Variants in BCL2L11 observed in about 807,000 individuals in gnomAD.
The protein encoded by BCL2L11 is bcl-2-like protein 11.
BCL2L11 carries 15 observed loss-of-function variants against 20.6 expected under a neutral mutation model. The observed-to-expected ratio is 0.73, with a 90% confidence interval of 0.49 to 1.12. The LOEUF is 1.12. Ranked by LOEUF, BCL2L11 falls within the 50% of genes most tolerant of loss-of-function variation. The probability of loss-of-function intolerance (pLI) is 0.00; values close to 1 mark genes in which losing one functional copy is unlikely to be tolerated. For synonymous variants in BCL2L11, 108 were observed against 92.8 expected, an observed-to-expected ratio of 1.16 and a Z score of -0.94; for missense variants, 292 against 260.9, an observed-to-expected ratio of 1.12 and a Z score of -0.82.
chr2:111,147,348 A>ACT (rs1444346056), intron 2 of BCL2L11, among the ~76,000 whole-genome samples: 3 of 81,684 alleles, frequency 3.7e-5, no homozygotes, highest in South Asian at 1.1e-3. Flanking sequence ...TCTCTCTCTC[A>ACT]CACACACACA....
chr2:111,161,396 T>A, intron 3 of BCL2L11: 1 of 1,550,368 alleles, frequency 6.5e-7, no homozygotes, highest in Non-Finnish European at 8.7e-7. Flanking sequence ...GTGGCAGAAC[T>A]TAAATGCACT....
chr2:111,140,253 T>C (rs2075591554), intron 2 of BCL2L11, among the ~76,000 whole-genome samples: 1 of 151,924 alleles, frequency 6.6e-6, no homozygotes, highest in South Asian at 2.1e-4. Context: ...GTTTTGAAGC[T>C]AAAATTTAAA....
chr2:111,159,023 G>C (rs2078239898), intron 3 of BCL2L11, among the ~76,000 whole-genome samples: 1 of 152,204 alleles, frequency 6.6e-6, no homozygotes, highest in South Asian at 2.1e-4. Flanking sequence ...GCTGTATTCT[G>C]AGCTGCATTG....
intron 3 of BCL2L11, among the ~76,000 whole-genome samples, chr2:111,151,517 GTT>G (rs1559073811): frequency 6.6e-6 from 1 of 151,260 alleles, no homozygotes; most frequent in Non-Finnish European, 1.5e-5. Context: ...TTTTTAATCT[GTT>G]TTCTAGGGGA....
intron 3 of BCL2L11, 62 bp from the exon 4 acceptor site, chr2:111,164,071 T>TCC: frequency 3.6e-5 from 24 of 664,710 alleles, no homozygotes; most frequent in East Asian, 6.5e-5. Flanking sequence ...AAATATGGGC[T>TCC]CCCACCCCTC....
At chr2:111,158,026 G>T (rs1382864387) in intron 3 of BCL2L11, among the ~76,000 whole-genome samples, 1 of 152,160 alleles carries the variant, frequency 6.6e-6, no homozygotes, top group African/African-American at 2.4e-5. Flanking sequence ...AGTGGATTTG[G>T]TGTTGGGCAG....
intron 2 of BCL2L11, chr2:111,128,756 T>G: frequency 6.5e-7 from 1 of 1,544,598 alleles, no homozygotes; most frequent in South Asian, 1.2e-5. Flanking sequence ...TCATGATACC[T>G]TTTTATAGCC....
intron 3 of BCL2L11, among the ~76,000 whole-genome samples, chr2:111,150,965 C>T (rs935498601): frequency 1.3e-5 from 2 of 152,068 alleles, no homozygotes; most frequent in East Asian, 1.9e-4. Context: ...AGTGCAGTGG[C>T]GCAATCCCAG....
At chr2:111,162,814 C>CT (rs2078722092) in intron 3 of BCL2L11, 1 of 152,232 alleles carries the variant, frequency 6.6e-6, no homozygotes, top group Non-Finnish European at 1.5e-5. Flanking sequence ...GAATAAGTCT[C>CT]TTTCAACCTA....
chr2:111,158,553 G>A (rs2078165046), intron 3 of BCL2L11, among the ~76,000 whole-genome samples: 1 of 150,618 alleles, frequency 6.6e-6, no homozygotes, highest in Non-Finnish European at 1.5e-5. Flanking sequence ...ATAATTTATA[G>A]TATATATATA....
chr2:111,122,424 G>C (rs548183464), intron 1 of BCL2L11, among the ~76,000 whole-genome samples: 1 of 152,332 alleles, frequency 6.6e-6, no homozygotes, highest in East Asian at 1.9e-4. Context: ...CAGCCGCCAC[G>C]ACCACGGCCA....
rs1215307059 is a variant in BCL2L11, at chr2:111,168,045, A to T, written c.*3814A>T. 1 of 152,682 alleles carries T rather than the reference A, an allele frequency of 6.5e-6. No individual in the cohort carries two copies. The highest frequency in any genetic ancestry group is 1.5e-5 in the Non-Finnish European group (1 of 68,056). The allele number at this position is 152,682 out of a possible 1,614,324, so 9.5% of individuals were successfully genotyped here. A position where few individuals can be genotyped will look rare whatever the true frequency, so the allele number is the denominator to read the frequency against. On this transcript the variant is annotated 3_prime_UTR_variant, in exon 4 of 4. Transcript: ENST00000393256. ...GGAAACGTGTCTACAGATGACGCTA[A>T]ATCAGTTGGGGTCTACTCTAAACAG...
chr2:111,166,947 C>T lies in BCL2L11; in HGVS notation c.*2716C>T, dbSNP rs1200898740. On this transcript the variant is annotated 3_prime_UTR_variant, in exon 4 of 4. Transcript: ENST00000393256. ...CTGTGTGCAATTGTGTTTCCTTTACCTTGTAAAATTTTGTACAGCATAAAT... is the reference window on the plus strand; with the variant it reads ...CTGTGTGCAATTGTGTTTCCTTTACTTTGTAAAATTTTGTACAGCATAAAT... 2 of 152,462 alleles carry T rather than the reference C, an allele frequency of 1.3e-5. No homozygotes were observed. The highest frequency in any genetic ancestry group is 4.8e-5 in the African/African-American group (2 of 41,386). 9.4% of individuals were successfully genotyped at this position (152,462 alleles called of 1,614,324 possible).
chr2:111,150,304 T>C (rs1482287840), intron 3 of BCL2L11, 157 bp downstream of exon 3: 1 of 1,426,018 alleles, frequency 7.0e-7, no homozygotes, highest in Admixed American at 2.1e-5. Flanking sequence ...TTTCCCATTT[T>C]TCATTTGTTT....
At chr2:111,157,826 T>A (rs897228074) in intron 3 of BCL2L11, among the ~76,000 whole-genome samples, 1 of 152,236 alleles carries the variant, frequency 6.6e-6, no homozygotes, top group Admixed American at 6.5e-5. Context: ...GACCACATTG[T>A]CACCATAGCA....
chr2:111,140,096 C>T (rs1018754562), intron 2 of BCL2L11, among the ~76,000 whole-genome samples: 1 of 152,110 alleles, frequency 6.6e-6, no homozygotes, highest in Non-Finnish European at 1.5e-5. Flanking sequence ...GTGAGGAAAC[C>T]GAACTTGGGG....
chr2:111,149,967 T>A, intron 2 of BCL2L11, 77 bp from the exon 3 acceptor site: 2 of 1,317,020 alleles, frequency 1.5e-6, no homozygotes, highest in Admixed American at 3.9e-5. Flanking sequence ...GGCTTGCCTC[T>A]AGAGACTTAT....
At chr2:111,123,062 C>T (rs1440562235) in intron 1 of BCL2L11, 1 of 975,784 alleles carries the variant, frequency 1.0e-6, no homozygotes, top group Non-Finnish European at 1.2e-6. Context: ...CCGCCCCCTC[C>T]CCATTTAGAG....
intron 3 of BCL2L11, chr2:111,162,741 A>G (rs1167900380): frequency 6.6e-6 from 1 of 152,206 alleles, no homozygotes; most frequent in Non-Finnish European, 1.5e-5. Flanking sequence ...CTCTGCCTGG[A>G]TTGATTACTT....
Sources: gnomAD v4.1 joint callset for allele counts (sites outside exome capture counted in the v4.1 genomes callset) on GRCh38, gnomAD v4.1.1 for gene constraint, MANE v1.5 for transcripts, NCBI Gene and HGNC (gene_info 2026-07-23, HGNC 2026-07-21) for gene names.